The following TRPA1 variants were observed in gnomAD, a reference collection of about 807,000 sequenced individuals.
The protein encoded by TRPA1 is transient receptor potential cation channel subfamily A member 1.
A neutral mutation model predicts 131.3 loss-of-function variants in TRPA1; 129 were observed. That is an observed-to-expected ratio of 0.98 (90% CI 0.85 to 1.14). TRPA1 has a LOEUF of 1.14. Among genes scored for constraint, TRPA1 ranks in the 50% most tolerant of loss-of-function variants. The pLI, the probability that TRPA1 is intolerant of heterozygous loss-of-function variation, is 0.00. For synonymous variants in TRPA1, 441 were observed against 451.7 expected (o/e 0.98, Z 0.30); for missense variants, 1,304 against 1,354.2 (o/e 0.96, Z 0.58).
At chr8:72,034,508 AAAAAG>A in intron 21 of TRPA1, 131 bp from the exon 22 acceptor site, 1 of 544,534 alleles carries the variant, frequency 1.8e-6, no homozygotes, top group Non-Finnish European at 3.1e-6. Context: ...AGTTATTTTG[AAAAAG>A]AAAACATAAG....
chr8:72,077,253 G>A (rs74948037), upstream of TRPA1, among the ~76,000 whole-genome samples: 3,788 of 143,254 alleles, frequency 0.026, 170 homozygotes, highest in African/African-American at 0.09. Flanking sequence ...AGCATCAGAT[G>A]GCCCTGTTGG....
the TRPA1 span, among the ~76,000 whole-genome samples, chr8:72,082,563 TA>T: frequency 6.6e-6 from 1 of 152,088 alleles, no homozygotes; most frequent in Admixed American, 6.5e-5. Flanking sequence ...GAAAATAAAA[TA>T]AGGAATACTT....
intron 3 of TRPA1, among the ~76,000 whole-genome samples, chr8:72,067,072 T>C (rs565721486): frequency 1.3e-5 from 2 of 152,336 alleles, no homozygotes; most frequent in Admixed American, 6.5e-5. Context: ...ATACCATAAA[T>C]CATTGTGCAA....
At chr8:72,053,900 C>A in intron 12 of TRPA1, 33 bp from the exon 13 acceptor site, 1 of 1,518,722 alleles carries the variant, frequency 6.6e-7, no homozygotes, top group Non-Finnish European at 9.1e-7. Flanking sequence ...TGTGTGCATA[C>A]ACTTAACAGA....
At chr8:72,079,981 A>G (rs986282675), upstream of TRPA1, among the ~76,000 whole-genome samples, 3 of 151,982 alleles carry the variant, frequency 2.0e-5, no homozygotes, top group African/African-American at 4.8e-5. Context: ...CAGAAATACA[A>G]TTGAATTTTC....
intron 17 of TRPA1, among the ~76,000 whole-genome samples, chr8:72,042,480 AC>A (rs1210231125): frequency 1.6e-4 from 25 of 152,010 alleles, no homozygotes; most frequent in Non-Finnish European, 2.9e-4. Flanking sequence ...GTAAAATGGA[AC>A]AGTCATTATG....
chr8:72,049,670 C>T (rs1302312567), intron 15 of TRPA1, among the ~76,000 whole-genome samples: 5 of 152,110 alleles, frequency 3.3e-5, no homozygotes, highest in Non-Finnish European at 5.9e-5. Flanking sequence ...GTGTATTTAA[C>T]GTAGCAAAAG....
At chr8:72,042,462 G>A (rs1812287457) in intron 17 of TRPA1, among the ~76,000 whole-genome samples, 1 of 151,866 alleles carries the variant, frequency 6.6e-6, no homozygotes, top group African/African-American at 2.4e-5. Flanking sequence ...TGCACTATTG[G>A]TGGGAATGTA....
the TRPA1 span, among the ~76,000 whole-genome samples, chr8:72,087,437 T>C: frequency 3.9e-5 from 6 of 152,330 alleles, no homozygotes; most frequent in South Asian, 6.2e-4. Flanking sequence ...GCTGAACATA[T>C]AGATGCTCCT....
At chr8:72,030,977 C>T (rs1811793516) in intron 23 of TRPA1, among the ~76,000 whole-genome samples, 2 of 152,118 alleles carry the variant, frequency 1.3e-5, no homozygotes, top group Admixed American at 6.6e-5. Context: ...GCATGCTGCA[C>T]CAGAAAGAAA....
chr8:72,055,401 G>T (rs1460531614), intron 12 of TRPA1, 35 bp downstream of exon 12: 2 of 1,594,872 alleles, frequency 1.3e-6, no homozygotes, highest in African/African-American at 1.3e-5. Context: ...GCTAATTAAA[G>T]AAATTATATA....
chr8:72,079,643 T>A (rs1806253029), upstream of TRPA1, among the ~76,000 whole-genome samples: 1 of 151,930 alleles, frequency 6.6e-6, no homozygotes, highest in Non-Finnish European at 1.5e-5. Flanking sequence ...GGTAGTATGA[T>A]GGTTAATATT....
chr8:72,047,811 GA>G (rs568006729), intron 15 of TRPA1, among the ~76,000 whole-genome samples: 29 of 152,050 alleles, frequency 1.9e-4, no homozygotes, highest in Non-Finnish European at 3.8e-4. Context: ...CCAATATTCT[GA>G]AATCCAAATC....
chr8:72,049,936 A>AT lies in TRPA1; in HGVS notation c.1905+841dup, dbSNP rs111426953. ...AGGGAGAGGTGGGGCATTTTATTTT[A>AT]TTTTTTTTTTTAATTTTTATTTTTT... On this transcript the variant is annotated intron_variant, in intron 15 of 26. Coordinates refer to ENST00000262209, the MANE Select transcript of TRPA1 (RefSeq NM_007332.3). Among the ~76,000 whole-genome samples the AT allele has an allele frequency of 8.0e-4, 120 of 150,588 alleles. No individual in the cohort carries two copies. The East Asian group carries it at 0.013, about 16-fold the overall frequency.
chr8:72,075,195 A>G (rs537334039), intron 1 of TRPA1, 104 bp downstream of exon 1: 39 of 888,062 alleles, frequency 4.4e-5, no homozygotes, highest in African/African-American at 3.6e-4. Context: ...CAAAGCTTGC[A>G]ACCCCCACGC....
chr8:72,053,007 A>AAG (rs57169742), intron 13 of TRPA1: 13,200 of 231,046 alleles, frequency 0.057, 324 homozygotes, highest in African/African-American at 0.085. Flanking sequence ...GAGATAGAGA[A>AAG]AGAGAGAGAG....
At chr8:72,039,593 A>G (rs1394115219) in intron 18 of TRPA1, 134 bp downstream of exon 18, 1 of 644,402 alleles carries the variant, frequency 1.6e-6, no homozygotes, top group African/African-American at 1.8e-5. Flanking sequence ...TGCCTTACTT[A>G]TTTCTTCAAA....
chr8:72,052,155 C>G (rs1805523691), intron 14 of TRPA1, among the ~76,000 whole-genome samples: 1 of 152,206 alleles, frequency 6.6e-6, no homozygotes, highest in Non-Finnish European at 1.5e-5. Context: ...GGCACAGTGG[C>G]TCATGTCTGT....
In TRPA1 at chr8:72,065,520, T is replaced by C. The variant is rs1238453321; in HGVS notation, c.483A>G (p.Glu161=). 1.2e-6 allele frequency: 2 copies of C among 1,613,492 alleles called. No homozygotes were observed. The highest frequency in any genetic ancestry group is 1.1e-5 in the South Asian group (1 of 91,072). ...LEHRTIDVNL[E]GENGNTAVII... ...TCACAGCTGTGTTTCCATTTTCTCC[T>C]TCCAAATTAACATCAATAGTTCTAT... Residue 161 remains glutamate (E), a synonymous_variant, in exon 4 of 27, where the codon GAA becomes GAG. Transcript: ENST00000262209.
Sources: gnomAD v4.1 joint callset for allele counts (sites outside exome capture counted in the v4.1 genomes callset) on GRCh38, gnomAD v4.1.1 for gene constraint, MANE v1.5 for transcripts, NCBI Gene and HGNC (gene_info 2026-07-23, HGNC 2026-07-21) for gene names.